AUTS2: variants seen among roughly 807,000 people sequenced by gnomAD.
AUTS2 encodes the protein activator of transcription and developmental regulator AUTS2.
A neutral mutation model predicts 112.4 loss-of-function variants in AUTS2; 17 were observed. The observed-to-expected ratio is 0.15, with a 90% CI of 0.10 to 0.23. The LOEUF (loss-of-function observed/expected upper bound fraction) is 0.23. Among genes scored for constraint, AUTS2 ranks in the 10% least tolerant of loss-of-function variants. AUTS2 has a pLI of 1.00. For missense variants in AUTS2, 1,510 were observed against 1,701.6 expected (o/e 0.89, Z 1.98); for synonymous variants, 751 against 702.7 (o/e 1.07, Z -1.09).
chr7:70,132,455 G>A lies in AUTS2; in HGVS notation c.625-2081G>A, dbSNP rs909452826. Among the ~76,000 whole-genome samples the A allele has an allele frequency of 6.6e-5, 10 of 152,170 alleles. 1 individual carries two copies. The highest frequency in any genetic ancestry group is 2.1e-4 in the South Asian group (1 of 4,834). On this transcript the variant is annotated intron_variant, in intron 3 of 18. Transcript: ENST00000342771. ...ATTAAAGCTGTCAGTTGGAAGGCAAGCCAATCGCCATGAAAACACAGCATA... is the reference window on the plus strand; with the variant it reads ...ATTAAAGCTGTCAGTTGGAAGGCAAACCAATCGCCATGAAAACACAGCATA...
At chr7:70,735,457 G>T (rs975137264) in intron 6 of AUTS2, among the ~76,000 whole-genome samples, 5 of 152,192 alleles carry the variant, frequency 3.3e-5, no homozygotes, top group Non-Finnish European at 5.9e-5. Flanking sequence ...GGCTGGGTTT[G>T]CCTAACCCTG....
At chr7:70,302,246 A>T (rs1367176525) in intron 4 of AUTS2, among the ~76,000 whole-genome samples, 1 of 152,130 alleles carries the variant, frequency 6.6e-6, no homozygotes, top group Non-Finnish European at 1.5e-5. Context: ...CCTTGTCTCT[A>T]GTAAAAATTC....
At chr7:70,780,123 A>C (rs73170221) in intron 14 of AUTS2, among the ~76,000 whole-genome samples, 6,305 of 152,110 alleles carry the variant, frequency 0.041, 187 homozygotes, top group South Asian at 0.079. Context: ...GGGAAATTCA[A>C]CTAGAAGCTT....
intron 1 of AUTS2, among the ~76,000 whole-genome samples, chr7:69,710,301 C>T (rs1208329946): frequency 6.6e-6 from 1 of 152,130 alleles, no homozygotes; most frequent in Non-Finnish European, 1.5e-5. Flanking sequence ...AGGTTGTTGG[C>T]TAGTTTTCCA....
At chr7:69,721,846 G>A (rs1171615476) in intron 1 of AUTS2, among the ~76,000 whole-genome samples, 1 of 152,134 alleles carries the variant, frequency 6.6e-6, no homozygotes, top group African/African-American at 2.4e-5. Context: ...TTTTGTGTTT[G>A]GATGTCATTG....
chr7:70,673,857 A>G (rs1431527116), intron 5 of AUTS2, among the ~76,000 whole-genome samples: 2 of 152,212 alleles, frequency 1.3e-5, no homozygotes, highest in Non-Finnish European at 2.9e-5. Context: ...AGATAATGGT[A>G]TTAGTAAGTG....
chr7:70,418,471 G>T lies in AUTS2; in HGVS notation c.661-17281G>T, dbSNP rs531596751. On this transcript the variant is annotated intron_variant, in intron 4 of 18. Coordinates refer to ENST00000342771, the MANE Select transcript of AUTS2 (RefSeq NM_015570.4). ...TGCAGCCACTTTCCCAGCTTCTGCTGTTAAGTGGCAGAACCCAAATCCAAA... is the reference window on the plus strand; with the variant it reads ...TGCAGCCACTTTCCCAGCTTCTGCTTTTAAGTGGCAGAACCCAAATCCAAA... Among the ~76,000 whole-genome samples the T allele has an allele frequency of 3.3e-5, 5 of 152,330 alleles. No homozygotes were observed. In the South Asian group the frequency reaches 8.3e-4, roughly 25 times the overall value.
In AUTS2 at chr7:70,267,507, T is replaced by C. The variant is rs1038137332; in HGVS notation, c.660+132936T>C. Reference sequence around the variant, plus strand: ...AATGTGCTGACACGATAATAGGACATGAATGGGCTTTTGGAATGCCTTTTC... The same window carrying C: ...AATGTGCTGACACGATAATAGGACACGAATGGGCTTTTGGAATGCCTTTTC... On this transcript the variant is annotated intron_variant, in intron 4 of 18. Transcript: ENST00000342771. Among the ~76,000 whole-genome samples the C allele has an allele frequency of 2.0e-5, 3 of 152,300 alleles. 1 individual carries two copies. In the East Asian group the frequency reaches 5.8e-4, roughly 29 times the overall value.
intron 1 of AUTS2, among the ~76,000 whole-genome samples, chr7:69,622,255 T>G (rs1793708051): frequency 6.6e-6 from 1 of 152,154 alleles, no homozygotes; most frequent in African/African-American, 2.4e-5. Context: ...GACCCCAGGG[T>G]AGTGCTTTAA....
At chr7:70,112,493 T>C (rs1805137409) in intron 2 of AUTS2, among the ~76,000 whole-genome samples, 1 of 151,988 alleles carries the variant, frequency 6.6e-6, no homozygotes, top group Admixed American at 6.5e-5. Flanking sequence ...TGCGTCCTTT[T>C]TCATTGTTTT....
At chr7:69,791,910 A>G (rs751885906) in intron 1 of AUTS2, among the ~76,000 whole-genome samples, 1 of 152,082 alleles carries the variant, frequency 6.6e-6, no homozygotes, top group African/African-American at 2.4e-5. Context: ...ATTTCCATTT[A>G]CTGTCTGAGA....
chr7:70,075,228 A>G (rs1034440357), intron 2 of AUTS2, among the ~76,000 whole-genome samples: 1 of 152,214 alleles, frequency 6.6e-6, no homozygotes, highest in African/African-American at 2.4e-5. Context: ...ACTGTTGACT[A>G]CTTGTCTCCC....
chr7:69,956,411 A>C (rs1049644427), intron 2 of AUTS2, among the ~76,000 whole-genome samples: 1 of 152,126 alleles, frequency 6.6e-6, no homozygotes, highest in African/African-American at 2.4e-5. Flanking sequence ...TTTCTGTTTT[A>C]CACTGTTAAT....
At chr7:70,378,448 T>A (rs1793216018) in intron 4 of AUTS2, among the ~76,000 whole-genome samples, 1 of 152,228 alleles carries the variant, frequency 6.6e-6, no homozygotes, top group Non-Finnish European at 1.5e-5. Context: ...CAAAAAGATC[T>A]ATGAGAACAA....
In AUTS2 at chr7:70,035,028, T is replaced by C. The variant is rs373463846; in HGVS notation, c.523-83104T>C. ...TACTTTTGATGAAGTTTTTGACATATTGACATTGGGTTTGACATGTCATTC... is the reference window on the plus strand; with the variant it reads ...TACTTTTGATGAAGTTTTTGACATACTGACATTGGGTTTGACATGTCATTC... On this transcript the variant is annotated intron_variant, in intron 2 of 18. Transcript: ENST00000342771. Among the ~76,000 whole-genome samples, 51 of 152,282 alleles carry C rather than the reference T, an allele frequency of 3.3e-4. 1 individual carries two copies. In the South Asian group the frequency reaches 0.01, roughly 31 times the overall value.
chr7:70,299,115 A>G (rs1288511056), intron 4 of AUTS2, among the ~76,000 whole-genome samples: 3 of 152,352 alleles, frequency 2.0e-5, no homozygotes, highest in South Asian at 2.1e-4. Flanking sequence ...TTCTATAATC[A>G]TAATTAACTC....
At chr7:70,657,766 C>T (rs188196364) in intron 5 of AUTS2, among the ~76,000 whole-genome samples, 3 of 152,202 alleles carry the variant, frequency 2.0e-5, no homozygotes. Flanking sequence ...TATGGAGAAG[C>T]TTAGTTGGTA....
intron 1 of AUTS2, among the ~76,000 whole-genome samples, chr7:69,699,639 G>GTTT (rs748794120): frequency 2.3e-4 from 26 of 111,448 alleles, no homozygotes; most frequent in African/African-American, 4.1e-4. Flanking sequence ...CAGTGATAAT[G>GTTT]TTTTTTTTTT....
intron 2 of AUTS2, among the ~76,000 whole-genome samples, chr7:70,009,837 G>A (rs1799717137): frequency 6.6e-6 from 1 of 152,164 alleles, no homozygotes; most frequent in South Asian, 2.1e-4. Context: ...CTTAGCTCTA[G>A]TGAGACCTAA....
Sources: allele counts gnomAD v4.1 joint callset (sites outside exome capture counted in the v4.1 genomes callset), GRCh38; gene constraint gnomAD v4.1.1; transcripts MANE v1.5; gene names NCBI Gene and HGNC (gene_info 2026-07-23, HGNC 2026-07-21).